FER1L6: variants seen among roughly 807,000 people sequenced by gnomAD.
FER1L6 encodes fer-1 like family member 6, also known as fer-1-like protein 6.
A neutral mutation model predicts 219.2 loss-of-function variants in FER1L6; 177 were observed. The ratio of observed to expected loss-of-function variants is 0.81; its 90% confidence interval spans 0.71 to 0.91. The LOEUF is 0.91. Ranked by LOEUF, FER1L6 falls within the 40% of genes least tolerant of loss-of-function variation. The pLI is 0.00. For synonymous variants in FER1L6, 768 were observed against 824.3 expected (o/e 0.93, Z 1.17); for missense variants, 2,153 against 2,259.9 (o/e 0.95, Z 0.96).
chr8:124,023,656 G>A, intron 18 of FER1L6, 60 bp downstream of exon 18: 1 of 1,563,890 alleles, frequency 6.4e-7, no homozygotes, highest in South Asian at 1.2e-5. Context: ...GGGTGGCTCA[G>A]ACTTTCTAGT....
intron 25 of FER1L6, among the ~76,000 whole-genome samples, chr8:124,062,392 C>A (rs1294160406): frequency 1.3e-5 from 2 of 152,196 alleles, no homozygotes; most frequent in East Asian, 1.9e-4. Context: ...CTACAATCAT[C>A]ACTGGTCTAT....
intron 13 of FER1L6, among the ~76,000 whole-genome samples, chr8:124,003,570 A>T (rs1288465999): frequency 7.1e-6 from 1 of 141,662 alleles, no homozygotes; most frequent in Admixed American, 7.9e-5. Flanking sequence ...CGTGGGTTCA[A>T]TGATTCTTCT....
At chr8:124,102,117 G>A (rs1238965833) in intron 38 of FER1L6, among the ~76,000 whole-genome samples, 1 of 152,176 alleles carries the variant, frequency 6.6e-6, no homozygotes, top group East Asian at 1.9e-4. Flanking sequence ...TGAAGAGTCT[G>A]TTCTATGAGT....
chr8:123,955,130 A>C (rs566073210), intron 1 of FER1L6, among the ~76,000 whole-genome samples: 2 of 152,090 alleles, frequency 1.3e-5, no homozygotes, highest in Admixed American at 6.6e-5. Context: ...GCTTACGGGC[A>C]TGGTGGCAGG....
intron 1 of FER1L6, among the ~76,000 whole-genome samples, chr8:123,860,068 G>T (rs1816719277): frequency 1.4e-5 from 2 of 140,562 alleles, no homozygotes; most frequent in South Asian, 2.3e-4. Flanking sequence ...CCATGCTGGT[G>T]CACTGCACCC....
At chr8:124,025,360 G>C (rs1211342131) in intron 18 of FER1L6, among the ~76,000 whole-genome samples, 1 of 151,890 alleles carries the variant, frequency 6.6e-6, no homozygotes, top group Non-Finnish European at 1.5e-5. Context: ...TTTGTATATG[G>C]TGAGAAATAG....
intron 1 of FER1L6, among the ~76,000 whole-genome samples, chr8:123,901,049 A>G (rs191887857): frequency 2.0e-5 from 3 of 152,116 alleles, no homozygotes; most frequent in Admixed American, 6.5e-5. Flanking sequence ...TTCTTTCTCT[A>G]TCTTGTGGAA....
In FER1L6 at chr8:123,903,844, A is replaced by G. The variant is rs115053781; in HGVS notation, c.-8+51659A>G. On this transcript the variant is annotated intron_variant, in intron 1 of 40. Transcript: ENST00000522917. ...TTATAGCACAAAAGGAAGCAAGACA[A>G]GGGATGCTGGGCACTGTTGGGAAAT... Among the ~76,000 whole-genome samples the G allele has an allele frequency of 9.7e-3, 1,482 of 152,290 alleles. 20 individuals are homozygous for G. Among genetic ancestry groups the G allele is most frequent in the African/African-American group, 0.034 (1,399 of 41,552 alleles).
intron 1 of FER1L6, among the ~76,000 whole-genome samples, chr8:123,924,469 G>A (rs1779280318): frequency 6.6e-6 from 1 of 151,904 alleles, no homozygotes; most frequent in Non-Finnish European, 1.5e-5. Flanking sequence ...TTGAACCCGG[G>A]AGGCAGAGGC....
intron 25 of FER1L6, among the ~76,000 whole-genome samples, chr8:124,062,643 C>A (rs1820638967): frequency 6.6e-6 from 1 of 152,212 alleles, no homozygotes; most frequent in African/African-American, 2.4e-5. Flanking sequence ...GCTGCATCTA[C>A]AATTTACTTT....
chr8:123,904,256 G>GTGTGTGTGTGTGA (rs1812911943), intron 1 of FER1L6, among the ~76,000 whole-genome samples: 1 of 151,604 alleles, frequency 6.6e-6, no homozygotes, highest in Admixed American at 6.6e-5. Context: ...GTGTGTGTGT[G>GTGTGTGTGTGTGA]TGTGTGTGTG....
At chr8:124,112,006 T>C (rs1340698709) in intron 39 of FER1L6, among the ~76,000 whole-genome samples, 1 of 152,156 alleles carries the variant, frequency 6.6e-6, no homozygotes, top group Non-Finnish European at 1.5e-5. Flanking sequence ...AAAATAACTT[T>C]CTCCTAATAG....
intron 1 of FER1L6, among the ~76,000 whole-genome samples, chr8:123,906,771 G>A (rs985213759): frequency 3.3e-5 from 5 of 149,412 alleles, no homozygotes; most frequent in Admixed American, 1.3e-4. Flanking sequence ...CTGCACTCTA[G>A]CCTGCTGGGT....
At chr8:124,093,785 ATTAC>A (rs1822156001) in intron 34 of FER1L6, among the ~76,000 whole-genome samples, 2 of 150,856 alleles carry the variant, frequency 1.3e-5, no homozygotes, top group African/African-American at 2.4e-5. Context: ...CTTTATTTTT[ATTAC>A]TTTAATTATT....
At chr8:124,002,060 G>A (rs1817433327) in intron 12 of FER1L6, among the ~76,000 whole-genome samples, 1 of 152,168 alleles carries the variant, frequency 6.6e-6, no homozygotes, top group African/African-American at 2.4e-5. Flanking sequence ...TCAAGTGAGT[G>A]GCATCACAGA....
intron 22 of FER1L6, among the ~76,000 whole-genome samples, chr8:124,056,535 T>C (rs1226122721): frequency 6.6e-6 from 1 of 152,264 alleles, no homozygotes; most frequent in Non-Finnish European, 1.5e-5. Context: ...TATTCTCTGA[T>C]GCTTGGCACT....
intron 1 of FER1L6, among the ~76,000 whole-genome samples, chr8:123,919,847 G>A (rs1452897939): frequency 6.6e-6 from 1 of 152,082 alleles, no homozygotes; most frequent in Non-Finnish European, 1.5e-5. Context: ...CACCTGACTT[G>A]GACTCTTCTG....
At chr8:123,939,666 G>A (rs1814152087) in intron 1 of FER1L6, among the ~76,000 whole-genome samples, 1 of 152,170 alleles carries the variant, frequency 6.6e-6, no homozygotes, top group Non-Finnish European at 1.5e-5. Flanking sequence ...ACTTGAGTTA[G>A]TTTGCTTGCT....
At chr8:123,987,245 T>C (rs542714199) in intron 12 of FER1L6, among the ~76,000 whole-genome samples, 52 of 152,356 alleles carry the variant, frequency 3.4e-4, no homozygotes, top group South Asian at 1.9e-3. Flanking sequence ...CATTGAAGTT[T>C]GATTTATGTT....
Sources: allele counts gnomAD v4.1 joint callset (sites outside exome capture counted in the v4.1 genomes callset), GRCh38; gene constraint gnomAD v4.1.1; transcripts MANE v1.5; gene names NCBI Gene and HGNC (gene_info 2026-07-23, HGNC 2026-07-21).